Variants in TMEM26 observed in about 807,000 individuals in gnomAD.
The protein encoded by TMEM26 is transmembrane protein 26.
Under a neutral mutation model 28.8 loss-of-function variants are expected in TMEM26, and 38 were observed. That is an observed-to-expected ratio of 1.32 (90% CI 1.02 to 1.73). The LOEUF (loss-of-function observed/expected upper bound fraction) is 1.73, where lower values mean the gene tolerates loss of function less well. TMEM26 is among the 40% of genes most tolerant of loss of function. The pLI is 0.00. For missense variants in TMEM26, 518 were observed against 447.1 expected, an observed-to-expected ratio of 1.16 and a Z score of -1.43; for synonymous variants, 227 against 182.9, an observed-to-expected ratio of 1.24 and a Z score of -1.95.
At chr10:61,441,367 C>T (rs1589042331) in intron 1 of TMEM26, among the ~76,000 whole-genome samples, 1 of 152,130 alleles carries the variant, frequency 6.6e-6, no homozygotes, top group Non-Finnish European at 1.5e-5. Context: ...ATATGTTCTG[C>T]TCCTATGAAA....
intron 5 of TMEM26, among the ~76,000 whole-genome samples, chr10:61,412,248 CTGTGTGTG>C (rs35301641): frequency 6.7e-6 from 1 of 150,290 alleles, no homozygotes; most frequent in Non-Finnish European, 1.5e-5. Flanking sequence ...ATGACAAAAT[CTGTGTGTG>C]TGTGTGTGTG....
At chr10:61,417,319 A>G (rs1373619800) in intron 4 of TMEM26, among the ~76,000 whole-genome samples, 1 of 152,012 alleles carries the variant, frequency 6.6e-6, no homozygotes, top group East Asian at 1.9e-4. Flanking sequence ...AAGATAAAAG[A>G]CTGGCATTTG....
chr10:61,410,318 A>G lies in TMEM26; in HGVS notation c.*4T>C. The G allele has an allele frequency of 7.5e-6, 12 of 1,602,154 alleles. No homozygotes were observed. Among genetic ancestry groups the G allele is most frequent in the Non-Finnish European group, 1.0e-5 (12 of 1,172,424 alleles). On this transcript the variant is annotated 3_prime_UTR_variant, in exon 6 of 6. Transcript: ENST00000399298. ...TCTAGCCGCAGACCACTGTCAATCA[A>G]TAACTAAGGGGTGTGGTGGGAGTCG...
intron 4 of TMEM26, among the ~76,000 whole-genome samples, chr10:61,421,142 T>C (rs751727203): frequency 2.6e-5 from 4 of 152,006 alleles, no homozygotes; most frequent in African/African-American, 9.7e-5. Context: ...TACCCTATAA[T>C]AGAGTGTGAA....
In TMEM26 at chr10:61,431,309, TC is replaced by T; in HGVS notation, c.293del (p.Gly98GlufsTer16). The T allele has an allele frequency of 6.2e-7, 1 of 1,613,134 alleles. No individual in the cohort carries two copies. The highest frequency in any genetic ancestry group is 1.1e-5 in the South Asian group (1 of 91,058). Reference protein sequence around the residue: ...ETQYCSIQAEGTSQNTSRKED... With the variant: ...ETQYCSIQAEXTSQNTSRKED... Reference sequence around the variant, plus strand: ...CTTTTCTGCTGGTATTCTGTGATGTTCCTTCAGCCTGGATACTGCAATACTA... The same window carrying T: ...CTTTTCTGCTGGTATTCTGTGATGTTCTTCAGCCTGGATACTGCAATACTA... On this transcript the variant is annotated frameshift_variant, in exon 3 of 6. Coordinates refer to ENST00000399298, the MANE Select transcript of TMEM26 (RefSeq NM_178505.8). LOFTEE classifies it high-confidence loss of function.
rs1359158565 is a variant in TMEM26 at position 61,406,740 on chromosome 10, T to C, written c.*3582A>G. On this transcript the variant is annotated 3_prime_UTR_variant, in exon 6 of 6. Transcript: ENST00000399298. Reference sequence around the variant, plus strand: ...AAATACTGCAGAGAAAATATTCTTATATGGTATTCTAGTAAGAAAGAGACA... The same window carrying C: ...AAATACTGCAGAGAAAATATTCTTACATGGTATTCTAGTAAGAAAGAGACA... 1 of 152,192 alleles carries C rather than the reference T, an allele frequency of 6.6e-6. No individual in the cohort carries two copies. Among genetic ancestry groups the C allele is most frequent in the South Asian group, 2.1e-4 (1 of 4,818 alleles). 9.4% of individuals were successfully genotyped at this position (152,192 alleles called of 1,614,324 possible). A position where few individuals can be genotyped will look rare whatever the true frequency, so the allele number is the denominator to read the frequency against.
intron 1 of TMEM26, among the ~76,000 whole-genome samples, chr10:61,446,240 C>A (rs2135335442): frequency 6.6e-6 from 1 of 152,270 alleles, no homozygotes; most frequent in South Asian, 2.1e-4. Flanking sequence ...TTGTCCTAAA[C>A]CATGACTTGG....
Position 61,410,411 on chromosome 10 carries a change from G to A in TMEM26, c.1018C>T (p.Arg340Trp), listed in dbSNP as rs371731698. The A allele has an allele frequency of 3.7e-6, 6 of 1,614,050 alleles. No individual in the cohort carries two copies. The highest frequency in any genetic ancestry group is 4.2e-6 in the Non-Finnish European group (5 of 1,180,006). The change falls in exon 6 of 6, where the codon CGG becomes TGG. Residue 340 changes from arginine to tryptophan, a missense_variant. Coordinates refer to ENST00000399298, the MANE Select transcript of TMEM26 (RefSeq NM_178505.8). ...AQTSESGPSQRDWQNESKEGL... is the reference protein window; with the variant it reads ...AQTSESGPSQWDWQNESKEGL... ...TCCTTAGACTCGTTCTGCCAGTCCC[G>A]CTGAGAGGGCCCACTCTCAGAGGTC...
At position 61,446,486 on chromosome 10, in the gene TMEM26, C is replaced by T. The variant is rs934631390; in HGVS notation, c.191+6405G>A. On this transcript the variant is annotated intron_variant, in intron 1 of 5. Coordinates refer to ENST00000399298, the MANE Select transcript of TMEM26 (RefSeq NM_178505.8). ...ATATAAAAGTTATATTTACACTATA[C>T]TGTAGTCTATTAAGTGTGCAATAGT... is the stretch of plus-strand genomic sequence containing the variant. Among the ~76,000 whole-genome samples, 8 of 152,056 alleles carry T rather than the reference C, an allele frequency of 5.3e-5. No individual in the cohort carries two copies. In the South Asian group the frequency reaches 1.7e-3, roughly 32 times the overall value.
rs1461865382 is a variant in TMEM26, at chr10:61,409,503, T to C, written c.*819A>G. On this transcript the variant is annotated 3_prime_UTR_variant, in exon 6 of 6. Transcript: ENST00000399298. Reference sequence around the variant, plus strand: ...CAGAGCTTCCCTGCATCAGCCCACATGATTCAACTTGGCAATATAGAAAAT... The same window carrying C: ...CAGAGCTTCCCTGCATCAGCCCACACGATTCAACTTGGCAATATAGAAAAT... 1 of 152,194 alleles carries C rather than the reference T, an allele frequency of 6.6e-6. No individual in the cohort carries two copies. Among genetic ancestry groups the C allele is most frequent in the Non-Finnish European group, 1.5e-5 (1 of 68,058 alleles). The allele number at this position is 152,194 out of a possible 1,614,324, so 9.4% of individuals were successfully genotyped here.
intron 3 of TMEM26, among the ~76,000 whole-genome samples, chr10:61,429,984 G>T (rs1003551731): frequency 1.3e-5 from 2 of 152,020 alleles, no homozygotes; most frequent in South Asian, 4.1e-4. Context: ...GATATCAAAT[G>T]CACAAGGACG....
intron 2 of TMEM26, among the ~76,000 whole-genome samples, chr10:61,434,791 A>G (rs1168721634): frequency 1.3e-5 from 2 of 152,200 alleles, no homozygotes; most frequent in African/African-American, 4.8e-5. Flanking sequence ...TGTGCCTATA[A>G]TTTGGAGCAA....
At chr10:61,447,329 C>T (rs1840201372) in intron 1 of TMEM26, among the ~76,000 whole-genome samples, 1 of 152,214 alleles carries the variant, frequency 6.6e-6, no homozygotes, top group Non-Finnish European at 1.5e-5. Context: ...ACAAAGTTCT[C>T]CCGCATTGCT....
rs1368501812 is a variant in TMEM26, at chr10:61,452,920, G to A, written c.162C>T (p.Leu54=). ...TGTAGCCTCTGCCGCGCTTGAACTT[G>A]AGGGTGAGCGCAGTCTCCAGGAAGA... ...LLLFLETALT[L]KFKRGRGYKW... is the part of the protein sequence containing the mutation. The change falls in exon 1 of 6, where the codon CTC becomes CTT. Residue 54 remains leucine, a synonymous_variant. Transcript: ENST00000399298. The A allele has an allele frequency of 1.2e-6, 2 of 1,613,926 alleles. No individual in the cohort carries two copies. The highest frequency in any genetic ancestry group is 1.7e-6 in the Non-Finnish European group (2 of 1,179,864).
chr10:61,409,637 G>T lies in TMEM26; in HGVS notation c.*685C>A, dbSNP rs1839538568. ...AATATTTCCTGCCTTGCAACCAGTA[G>T]ATATGTAACCAAAATGGCTTGCTGT... On this transcript the variant is annotated 3_prime_UTR_variant, in exon 6 of 6. Coordinates refer to ENST00000399298, the MANE Select transcript of TMEM26 (RefSeq NM_178505.8). 6.6e-6 allele frequency: 1 copy of T among 152,236 alleles called. No homozygotes were observed. The highest frequency in any genetic ancestry group is 1.5e-5 in the Non-Finnish European group (1 of 68,096). The allele number at this position is 152,236 out of a possible 1,614,324, so 9.4% of individuals were successfully genotyped here.
rs139457311 is a variant in TMEM26, at chr10:61,410,772, C to T, written c.683-26G>A. The T allele has an allele frequency of 3.8e-4, 605 of 1,606,358 alleles. 2 individuals are homozygous for T. The African/African-American group carries it at 7.3e-3, about 20-fold the overall frequency. ...CTGAAAACACAAGACAGACTAGTTA[C>T]TATCTCTCTTGGAAGTGTAGACATA... is the stretch of plus-strand genomic sequence containing the variant. On this transcript the variant is annotated intron_variant, in intron 5 of 5. Transcript: ENST00000399298.
At chr10:61,444,673 AC>A (rs1840151115) in intron 1 of TMEM26, among the ~76,000 whole-genome samples, 1 of 149,856 alleles carries the variant, frequency 6.7e-6, no homozygotes, top group African/African-American at 2.5e-5. Context: ...AAAAAAAAAC[AC>A]CAACAGAACT....
chr10:61,442,101 T>G lies in TMEM26; in HGVS notation c.192-5853A>C, dbSNP rs78815550. The stretch of plus-strand genomic sequence containing the variant: ...GGTCTTGCTACATATTAGACACTGC[T>G]CCAAGCTTTTTAAAAGCTTTACTCA... On this transcript the variant is annotated intron_variant, in intron 1 of 5. Transcript: ENST00000399298. 6.2e-3 allele frequency among the ~76,000 whole-genome samples: 950 copies of G among 152,254 alleles called. 30 individuals carry two copies. Among genetic ancestry groups the G allele is most frequent in the East Asian group, 0.06 (311 of 5,184 alleles).
chr10:61,410,694 C>G lies in TMEM26; in HGVS notation c.735G>C (p.Leu245=). The G allele has an allele frequency of 6.2e-7, 1 of 1,614,154 alleles. No individual in the cohort carries two copies. Among genetic ancestry groups the G allele is most frequent in the Non-Finnish European group, 8.5e-7 (1 of 1,180,028 alleles). ...GATCGGCACTGTACTGGCAAAAGAA[C>G]AGGCTGGGGAATCCCCTCTCTGTCA... ...VSVTERGFPS[L]FFCQYSADLW... is the part of the protein sequence containing the mutation. Residue 245 remains leucine, a synonymous_variant, in exon 6 of 6, where the codon CTG becomes CTC. Transcript: ENST00000399298.
Sources: gnomAD v4.1 joint callset for allele counts (sites outside exome capture counted in the v4.1 genomes callset) on GRCh38, gnomAD v4.1.1 for gene constraint, MANE v1.5 for transcripts, NCBI Gene and HGNC (gene_info 2026-07-23, HGNC 2026-07-21) for gene names.